KCNAB1: variants seen among roughly 807,000 people sequenced by gnomAD.
KCNAB1 encodes the protein voltage-gated potassium channel subunit beta-1.
A neutral mutation model predicts 64.6 loss-of-function variants in KCNAB1; 35 were observed. That is an observed-to-expected ratio of 0.54 (90% CI 0.41 to 0.72). The LOEUF (loss-of-function observed/expected upper bound fraction) is 0.72. KCNAB1 is among the 30% of genes least tolerant of loss of function. KCNAB1 has a pLI of 0.00. For missense variants in KCNAB1, 401 were observed against 512.9 expected, an observed-to-expected ratio of 0.78 and a Z score of 2.11; for synonymous variants, 177 against 183.8, an observed-to-expected ratio of 0.96 and a Z score of 0.30.
chr3:156,143,527 GA>G, intron 1 of KCNAB1: 5 of 654,356 alleles, frequency 7.6e-6, no homozygotes, highest in Non-Finnish European at 1.1e-5. Context: ...GTAAGAAAAA[GA>G]AGGAAAAATG....
chr3:156,486,640 G>A (rs1160470514), intron 8 of KCNAB1, among the ~76,000 whole-genome samples: 1 of 152,164 alleles, frequency 6.6e-6, no homozygotes, highest in East Asian at 1.9e-4. Context: ...TGGTAGGGAA[G>A]GTAGTTACAA....
chr3:156,292,795 G>A (rs1354828226), intron 1 of KCNAB1, among the ~76,000 whole-genome samples: 1 of 152,158 alleles, frequency 6.6e-6, no homozygotes, highest in East Asian at 1.9e-4. Flanking sequence ...CGCCGGCCTT[G>A]GCCTCCCAAA....
intron 1 of KCNAB1, among the ~76,000 whole-genome samples, chr3:156,151,959 A>G (rs1715437327): frequency 6.6e-6 from 1 of 152,200 alleles, no homozygotes; most frequent in African/African-American, 2.4e-5. Flanking sequence ...AGGAGGTCAA[A>G]GGAAAGACTA....
intron 13 of KCNAB1, 143 bp from the exon 14 acceptor site, chr3:156,536,515 G>T: frequency 4.6e-6 from 3 of 654,064 alleles, no homozygotes; most frequent in Non-Finnish European, 8.3e-6. Flanking sequence ...ACAATGTGAT[G>T]GTGTTGGGGG....
chr3:156,244,313 C>G lies in KCNAB1; in HGVS notation c.275+123427C>G, dbSNP rs554493196. Reference sequence around the variant, plus strand: ...CTCCAACCTCCAGTTCTGTCTTCACCTCTCCTTTTCTCACTTTCTTCCTCT... The same window carrying G: ...CTCCAACCTCCAGTTCTGTCTTCACGTCTCCTTTTCTCACTTTCTTCCTCT... On this transcript the variant is annotated intron_variant, in intron 1 of 13. Coordinates refer to ENST00000490337, the MANE Select transcript of KCNAB1 (RefSeq NM_172160.3). Among the ~76,000 whole-genome samples the G allele has an allele frequency of 3.3e-5, 5 of 152,224 alleles. No homozygotes were observed. The East Asian group carries it at 9.6e-4, about 29-fold the overall frequency.
intron 1 of KCNAB1, among the ~76,000 whole-genome samples, chr3:156,270,651 T>C (rs1237442931): frequency 2.0e-5 from 3 of 152,226 alleles, no homozygotes; most frequent in African/African-American, 7.2e-5. Context: ...TTGCGCTGTC[T>C]TGAAAAGTTC....
At chr3:156,456,790 T>C (rs903724666) in intron 3 of KCNAB1, 3 of 152,526 alleles carry the variant, frequency 2.0e-5, no homozygotes, top group African/African-American at 7.2e-5. Context: ...ATAGCTATTC[T>C]GTACTCTTCT....
intron 1 of KCNAB1, among the ~76,000 whole-genome samples, chr3:156,281,136 C>A (rs1303697167): frequency 6.8e-6 from 1 of 147,870 alleles, no homozygotes; most frequent in Non-Finnish European, 1.5e-5. Context: ...TGAAATATGT[C>A]CCATCAATAC....
At chr3:156,500,303 C>A (rs529892882) in intron 8 of KCNAB1, among the ~76,000 whole-genome samples, 24 of 152,160 alleles carry the variant, frequency 1.6e-4, no homozygotes, top group Non-Finnish European at 3.4e-4. Context: ...AAAGATTGGT[C>A]CTCAGTGATT....
intron 1 of KCNAB1, among the ~76,000 whole-genome samples, chr3:156,336,355 CTG>C (rs199521231): frequency 0.015 from 2,145 of 146,986 alleles, 21 homozygotes; most frequent in South Asian, 0.034. Context: ...GAGTGAGACT[CTG>C]TAAAACAAAC....
intron 1 of KCNAB1, among the ~76,000 whole-genome samples, chr3:156,218,445 G>A (rs1325568115): frequency 6.6e-6 from 1 of 152,084 alleles, no homozygotes. Context: ...TAATCTCTTG[G>A]TAGCTCTATA....
At chr3:156,361,660 G>A (rs967299282) in intron 1 of KCNAB1, among the ~76,000 whole-genome samples, 24 of 152,102 alleles carry the variant, frequency 1.6e-4, no homozygotes, top group African/African-American at 5.1e-4. Context: ...TTTTATTTGA[G>A]ATAGGGTCTC....
chr3:156,322,108 G>C (rs1023520979), intron 1 of KCNAB1, among the ~76,000 whole-genome samples: 1 of 152,110 alleles, frequency 6.6e-6, no homozygotes, highest in Non-Finnish European at 1.5e-5. Flanking sequence ...ATGCTCACTC[G>C]CACAGCGACA....
At chr3:156,488,740 AT>A (rs1189425311) in intron 8 of KCNAB1, among the ~76,000 whole-genome samples, 2 of 152,126 alleles carry the variant, frequency 1.3e-5, no homozygotes, top group Non-Finnish European at 2.9e-5. Context: ...TTGAGAATAC[AT>A]TATAGGGGCA....
At chr3:156,414,317 A>G (rs1169035634) in intron 1 of KCNAB1, among the ~76,000 whole-genome samples, 1 of 152,222 alleles carries the variant, frequency 6.6e-6, no homozygotes, top group African/African-American at 2.4e-5. Flanking sequence ...ACATTACATA[A>G]AATACACAGG....
intron 1 of KCNAB1, among the ~76,000 whole-genome samples, chr3:156,141,259 T>C (rs1019551637): frequency 3.9e-5 from 6 of 152,190 alleles, no homozygotes; most frequent in Admixed American, 2.6e-4. Context: ...CAATATTATA[T>C]GCACTCATTT....
At chr3:156,511,820 CT>C (rs1168356647) in intron 8 of KCNAB1, among the ~76,000 whole-genome samples, 1 of 152,170 alleles carries the variant, frequency 6.6e-6, no homozygotes, top group East Asian at 1.9e-4. Flanking sequence ...ATGTTAATGC[CT>C]TGATTAAACC....
At chr3:156,160,823 C>T (rs143359667) in intron 1 of KCNAB1, among the ~76,000 whole-genome samples, 41 of 152,286 alleles carry the variant, frequency 2.7e-4, no homozygotes, top group African/African-American at 9.1e-4. Context: ...CATTTTCACA[C>T]GTACATTAAG....
chr3:156,349,269 A>G (rs1425733843), intron 1 of KCNAB1, among the ~76,000 whole-genome samples: 3 of 152,130 alleles, frequency 2.0e-5, no homozygotes, highest in Admixed American at 6.5e-5. Context: ...CATTCACATC[A>G]TGTTCCCACC....
Sources: gnomAD v4.1 joint callset for allele counts (sites outside exome capture counted in the v4.1 genomes callset) on GRCh38, gnomAD v4.1.1 for gene constraint, MANE v1.5 for transcripts, NCBI Gene and HGNC (gene_info 2026-07-23, HGNC 2026-07-21) for gene names.